RBFOX3: variants seen among roughly 807,000 people sequenced by gnomAD.
RBFOX3 encodes RNA binding protein fox-1 homolog 3.
Under a neutral mutation model 48.7 loss-of-function variants are expected in RBFOX3, and 17 were observed. That is an observed-to-expected ratio of 0.35 (90% CI 0.24 to 0.52). The LOEUF (loss-of-function observed/expected upper bound fraction) is 0.52. Ranked by LOEUF, RBFOX3 falls within the 20% of genes least tolerant of loss-of-function variation. The pLI, the probability that RBFOX3 is intolerant of heterozygous loss-of-function variation, is 0.94. For missense variants in RBFOX3, 382 were observed against 497.5 expected (o/e 0.77, Z 2.21); for synonymous variants, 212 against 209.5 (o/e 1.01, Z -0.10).
chr17:79,345,139 A>T (rs1054754921), intron 2 of RBFOX3, among the ~76,000 whole-genome samples: 4 of 152,270 alleles, frequency 2.6e-5, no homozygotes, highest in Middle Eastern at 3.4e-3. Context: ...GACAATTCTA[A>T]CTGTCTTCTT....
At chr17:79,100,599 C>T (rs1288571528) in intron 9 of RBFOX3, among the ~76,000 whole-genome samples, 4 of 152,092 alleles carry the variant, frequency 2.6e-5, no homozygotes, top group South Asian at 2.1e-4. Flanking sequence ...ACATGGGGGG[C>T]CATGAGAGGC....
At chr17:79,567,052 C>A (rs983964667) in intron 1 of RBFOX3, among the ~76,000 whole-genome samples, 8 of 152,174 alleles carry the variant, frequency 5.3e-5, no homozygotes, top group Non-Finnish European at 8.8e-5. Context: ...TGTTAACCAA[C>A]TTCCTCCCAT....
intron 1 of RBFOX3, among the ~76,000 whole-genome samples, chr17:79,610,538 C>T (rs2093949828): frequency 2.0e-5 from 3 of 152,082 alleles, no homozygotes; most frequent in Non-Finnish European, 2.9e-5. Context: ...GAGCCCGACC[C>T]CCGGGCCTTC....
chr17:79,151,271 A>ATCCAGTGCCGGGGGAGAAGCGAG (rs2044358674), intron 4 of RBFOX3, among the ~76,000 whole-genome samples: 1 of 149,782 alleles, frequency 6.7e-6, no homozygotes, highest in Non-Finnish European at 1.5e-5. Context: ...GGAGAAGCGA[A>ATCCAGTGCCGGGGGAGAAGCGAG]ATCCAGTGCC....
At chr17:79,591,949 T>G (rs2093431174) in intron 1 of RBFOX3, among the ~76,000 whole-genome samples, 1 of 151,222 alleles carries the variant, frequency 6.6e-6, no homozygotes, top group East Asian at 2.0e-4. Context: ...ATGTGTTGTG[T>G]GTGGCATGTG....
At chr17:79,620,415 A>ATGCACACACGCACG in the RBFOX3 span, among the ~76,000 whole-genome samples, 4 of 148,832 alleles carry the variant, frequency 2.7e-5, no homozygotes, top group African/African-American at 9.9e-5. Context: ...ACACACGGAC[A>ATGCACACACGCACG]TGCACACACG....
At chr17:79,263,059 G>A (rs919076545) in intron 3 of RBFOX3, among the ~76,000 whole-genome samples, 1 of 152,178 alleles carries the variant, frequency 6.6e-6, no homozygotes, top group Admixed American at 6.5e-5. Context: ...AGCTGAGCAG[G>A]CCCAGGCCTT....
chr17:79,393,282 C>T (rs996111758), intron 2 of RBFOX3, among the ~76,000 whole-genome samples: 1 of 152,236 alleles, frequency 6.6e-6, no homozygotes, highest in African/African-American at 2.4e-5. Flanking sequence ...GGGCACCTCT[C>T]CTACCCACAC....
intron 3 of RBFOX3, among the ~76,000 whole-genome samples, chr17:79,280,845 G>GA (rs927957683): frequency 6.6e-6 from 1 of 150,878 alleles, no homozygotes; most frequent in African/African-American, 2.4e-5. Context: ...CCATTGTGGG[G>GA]GGGGGGAGGG....
At chr17:79,120,724 G>GGGTGGGTGGATAGAAGGGTT (rs2035505404) in intron 4 of RBFOX3, among the ~76,000 whole-genome samples, 1 of 148,268 alleles carries the variant, frequency 6.7e-6, no homozygotes, top group African/African-American at 2.5e-5. Flanking sequence ...ATGGAAGGGT[G>GGGTGGGTGGATAGAAGGGTT]GGTGGGTGGA....
intron 1 of RBFOX3, among the ~76,000 whole-genome samples, chr17:79,497,602 A>G (rs2081741715): frequency 6.6e-6 from 1 of 152,330 alleles, no homozygotes; most frequent in South Asian, 2.1e-4. Flanking sequence ...GTTCTCTGGC[A>G]GTGAGGAGAG....
At chr17:79,488,963 C>T (rs1198085156) in intron 1 of RBFOX3, among the ~76,000 whole-genome samples, 1 of 152,138 alleles carries the variant, frequency 6.6e-6, no homozygotes, top group African/African-American at 2.4e-5. Context: ...AAGGAAGGAC[C>T]CTAAAATCAC....
chr17:79,545,089 AG>A (rs2090235283), intron 1 of RBFOX3, among the ~76,000 whole-genome samples: 1 of 152,012 alleles, frequency 6.6e-6, no homozygotes, highest in African/African-American at 2.4e-5. Flanking sequence ...GAGCACAGGA[AG>A]GGGGCAGACG....
chr17:79,656,807 A>AAAGAAAG, the RBFOX3 span, among the ~76,000 whole-genome samples: 1,261 of 24,418 alleles, frequency 0.052, 67 homozygotes, highest in African/African-American at 0.066. Context: ...AGAAAGAAAG[A>AAAGAAAG]AAAGAAAGAG....
chr17:79,175,909 G>A (rs546326973), intron 4 of RBFOX3, among the ~76,000 whole-genome samples: 51 of 152,294 alleles, frequency 3.3e-4, no homozygotes, highest in African/African-American at 1.1e-3. Context: ...GACGGCTGGT[G>A]GACTCCCCAC....
At chr17:79,600,849 C>T (rs2093688954) in intron 1 of RBFOX3, 1 of 152,404 alleles carries the variant, frequency 6.6e-6, no homozygotes, top group Non-Finnish European at 1.5e-5. Flanking sequence ...TCTTTCCTCC[C>T]GCTGCTCCGA....
intron 1 of RBFOX3, among the ~76,000 whole-genome samples, chr17:79,608,865 G>C (rs1258246586): frequency 6.6e-6 from 1 of 152,130 alleles, no homozygotes; most frequent in African/African-American, 2.4e-5. Context: ...GGAGCTCCTC[G>C]CCCGCAGGAG....
chr17:79,540,070 C>T (rs989490047), intron 1 of RBFOX3, among the ~76,000 whole-genome samples: 1 of 152,302 alleles, frequency 6.6e-6, no homozygotes, highest in Middle Eastern at 3.4e-3. Flanking sequence ...TTAATGGATC[C>T]GTTTCCTCTC....
intron 1 of RBFOX3, among the ~76,000 whole-genome samples, chr17:79,534,054 A>C (rs2088283156): frequency 6.6e-6 from 1 of 152,380 alleles, no homozygotes. Context: ...TGGCTGAATT[A>C]GCCAAAAAAT....
Sources: gnomAD v4.1 joint callset for allele counts (sites outside exome capture counted in the v4.1 genomes callset) on GRCh38, gnomAD v4.1.1 for gene constraint, MANE v1.5 for transcripts, NCBI Gene and HGNC (gene_info 2026-07-23, HGNC 2026-07-21) for gene names.